Variants in PLS1 observed in about 807,000 individuals in gnomAD.
PLS1 encodes plastin-1.
In PLS1, 32 loss-of-function variants were observed where a neutral mutation model predicts 73.7. The observed-to-expected ratio is 0.43, with a 90% CI of 0.33 to 0.58. The LOEUF (loss-of-function observed/expected upper bound fraction) is 0.58. Among genes scored for constraint, PLS1 ranks in the 20% least tolerant of loss-of-function variants. The pLI, the probability that PLS1 is intolerant of heterozygous loss-of-function variation, is 0.04. For missense variants in PLS1, 633 were observed against 740.5 expected, an observed-to-expected ratio of 0.85 and a Z score of 1.68; for synonymous variants, 217 against 261.3, an observed-to-expected ratio of 0.83 and a Z score of 1.63.
chr3:142,599,196 A>G (rs979097045), intron 1 of PLS1, among the ~76,000 whole-genome samples: 2 of 151,796 alleles, frequency 1.3e-5, no homozygotes, highest in African/African-American at 4.8e-5. Context: ...AAATAAATAA[A>G]TAAATAAATA....
intron 6 of PLS1, among the ~76,000 whole-genome samples, chr3:142,681,529 G>C (rs190906735): frequency 6.2e-4 from 94 of 152,308 alleles, no homozygotes; most frequent in Admixed American, 2.9e-3. Context: ...GGAAATGAGG[G>C]AACCTGTTAG....
chr3:142,628,219 A>G (rs2036472063), intron 1 of PLS1, among the ~76,000 whole-genome samples: 1 of 152,148 alleles, frequency 6.6e-6, no homozygotes, highest in East Asian at 1.9e-4. Context: ...CACTGAAAAT[A>G]CTACCAGCTT....
At chr3:142,599,412 C>T (rs1402917015) in intron 1 of PLS1, among the ~76,000 whole-genome samples, 6 of 149,006 alleles carry the variant, frequency 4.0e-5, no homozygotes, top group African/African-American at 1.3e-4. Flanking sequence ...TCACTGCAAG[C>T]TCCGCTTCCC....
intron 1 of PLS1, among the ~76,000 whole-genome samples, chr3:142,622,726 C>T (rs564115285): frequency 6.6e-6 from 1 of 152,236 alleles, no homozygotes; most frequent in South Asian, 2.1e-4. Context: ...GACTATAACC[C>T]GTGGGGCATC....
Position 142,621,178 on chromosome 3 carries a change from G to C in PLS1, c.-37+24669G>C, listed in dbSNP as rs567063066. ...CCTGGAATTTTGGTTTAGGCTCATAGTAGATACTAAAGAAGAATATATTGT... is the reference window on the plus strand; with the variant it reads ...CCTGGAATTTTGGTTTAGGCTCATACTAGATACTAAAGAAGAATATATTGT... On this transcript the variant is annotated intron_variant, in intron 1 of 15. Coordinates refer to ENST00000457734, the MANE Select transcript of PLS1 (RefSeq NM_001145319.2). 5.9e-5 allele frequency among the ~76,000 whole-genome samples: 9 copies of C among 152,206 alleles called. No homozygotes were observed. The South Asian group carries it at 1.5e-3, about 25-fold the overall frequency.
intron 1 of PLS1, among the ~76,000 whole-genome samples, chr3:142,599,712 T>G (rs1025233005): frequency 7.2e-5 from 11 of 152,072 alleles, no homozygotes; most frequent in African/African-American, 2.4e-4. Flanking sequence ...CTCTTTTCAT[T>G]AACTATTACT....
At chr3:142,651,368 A>G (rs2037084750) in intron 1 of PLS1, among the ~76,000 whole-genome samples, 1 of 150,454 alleles carries the variant, frequency 6.6e-6, no homozygotes, top group Non-Finnish European at 1.5e-5. Flanking sequence ...AGACTGAGGC[A>G]GGAGAATCAC....
At chr3:142,653,934 T>C (rs73868111) in intron 1 of PLS1, among the ~76,000 whole-genome samples, 6,464 of 152,270 alleles carry the variant, frequency 0.042, 439 homozygotes, top group African/African-American at 0.15. Context: ...AAACTGATTC[T>C]TACCCATCTT....
At chr3:142,634,957 G>A (rs2036645452) in intron 1 of PLS1, among the ~76,000 whole-genome samples, 1 of 147,278 alleles carries the variant, frequency 6.8e-6, no homozygotes, top group Admixed American at 6.9e-5. Flanking sequence ...TTCTCACTCT[G>A]TCACCCAGGC....
Position 142,697,326 on chromosome 3 carries a change from A to T in PLS1, c.1257-627A>T, listed in dbSNP as rs1001825983. ...TTTTCCTGTAATTATGTTTTAAGTT[A>T]AAAAATAATGTATAAATAATACAGG... On this transcript the variant is annotated intron_variant, in intron 11 of 15. Coordinates refer to ENST00000457734, the MANE Select transcript of PLS1 (RefSeq NM_001145319.2). 7.2e-5 allele frequency among the ~76,000 whole-genome samples: 11 copies of T among 152,288 alleles called. No homozygotes were observed. In the South Asian group the frequency reaches 1.2e-3, roughly 17 times the overall value.
At chr3:142,624,995 CATG>C (rs1021442208) in intron 1 of PLS1, among the ~76,000 whole-genome samples, 6 of 152,056 alleles carry the variant, frequency 3.9e-5, no homozygotes, top group African/African-American at 1.4e-4. Flanking sequence ...CCACCCAAAG[CATG>C]ATATTTGATT....
chr3:142,603,243 T>C (rs189068474), intron 1 of PLS1, among the ~76,000 whole-genome samples: 5 of 152,324 alleles, frequency 3.3e-5, no homozygotes, highest in Admixed American at 2.0e-4. Context: ...GTGAGACATA[T>C]GTAGCATGGC....
At chr3:142,600,984 C>T (rs1465013867) in intron 1 of PLS1, among the ~76,000 whole-genome samples, 5 of 123,258 alleles carry the variant, frequency 4.1e-5, no homozygotes, top group Non-Finnish European at 6.4e-5. Context: ...AGTGCAGTGG[C>T]GCAATCTCGG....
chr3:142,658,973 T>C (rs990501719), intron 1 of PLS1, among the ~76,000 whole-genome samples: 1 of 152,198 alleles, frequency 6.6e-6, no homozygotes, highest in Non-Finnish European at 1.5e-5. Flanking sequence ...GAATCTCTTA[T>C]TTTGTCTACC....
chr3:142,681,248 A>G (rs2037846706), intron 6 of PLS1, among the ~76,000 whole-genome samples: 1 of 152,318 alleles, frequency 6.6e-6, no homozygotes, highest in South Asian at 2.1e-4. Context: ...TACGATAGTA[A>G]GAAATGCTGT....
chr3:142,700,581 G>C (rs9876081), intron 12 of PLS1, among the ~76,000 whole-genome samples: 148,787 of 152,344 alleles, frequency 0.98, 72,663 homozygotes, highest in East Asian at 1. Flanking sequence ...CTTGGCCTCC[G>C]AAAGTGCTGG....
chr3:142,662,124 T>C (rs978492277), intron 1 of PLS1, among the ~76,000 whole-genome samples: 3 of 152,324 alleles, frequency 2.0e-5, no homozygotes, highest in East Asian at 3.9e-4. Flanking sequence ...CGTATGTTTA[T>C]TGCGGCACTG....
intron 8 of PLS1, among the ~76,000 whole-genome samples, chr3:142,685,811 T>C (rs1239934798): frequency 6.6e-6 from 1 of 152,206 alleles, no homozygotes; most frequent in East Asian, 1.9e-4. Context: ...GAAGAGTTAA[T>C]GTATGCATGG....
intron 4 of PLS1, among the ~76,000 whole-genome samples, chr3:142,672,406 G>A (rs1202926025): frequency 4.1e-5 from 6 of 147,918 alleles, no homozygotes; most frequent in African/African-American, 1.5e-4. Flanking sequence ...GCAGTGGTGC[G>A]ATCTCGGCTC....
Sources: gnomAD v4.1 joint callset for allele counts (sites outside exome capture counted in the v4.1 genomes callset) on GRCh38, gnomAD v4.1.1 for gene constraint, MANE v1.5 for transcripts, NCBI Gene and HGNC (gene_info 2026-07-23, HGNC 2026-07-21) for gene names.